Variants in OPHN1 observed in about 807,000 individuals in gnomAD.
The protein encoded by OPHN1 is oligophrenin-1.
In OPHN1, 11 loss-of-function variants were observed where a neutral mutation model predicts 60.7. The ratio of observed to expected loss-of-function variants is 0.18; its 90% CI spans 0.11 to 0.30. The LOEUF (loss-of-function observed/expected upper bound fraction) is 0.30, where lower values mean the gene tolerates loss of function less well. OPHN1 is among the 10% of genes least tolerant of loss of function. The probability of loss-of-function intolerance (pLI) is 1.00; values close to 1 mark genes in which losing one functional copy is unlikely to be tolerated. For missense variants in OPHN1, 449 were observed against 611.0 expected (o/e 0.73, Z 2.80); for synonymous variants, 226 against 222.6 (o/e 1.02, Z -0.14).
intron 1 of OPHN1, 47 bp downstream of exon 1, chrX:68,433,121 C>T (rs760552104): frequency 1.1e-6 from 1 of 886,903 alleles, no homozygotes; most frequent in African/African-American, 2.0e-5. Flanking sequence ...GAGCGCGCGA[C>T]CCGCTTAAGG....
chrX:68,423,573 C>A (rs944854950), intron 2 of OPHN1, among the ~76,000 whole-genome samples: 2 of 110,602 alleles, frequency 1.8e-5, no homozygotes, highest in African/African-American at 6.6e-5. Flanking sequence ...TACCCATTAG[C>A]AGTCCCAATA....
intron 2 of OPHN1, among the ~76,000 whole-genome samples, chrX:68,398,939 A>C (rs967823490): frequency 2.0e-5 from 2 of 98,650 alleles, no homozygotes; most frequent in African/African-American, 3.6e-5. Context: ...ACAGTGCAAG[A>C]CTCTGTCTCA....
intron 5 of OPHN1, among the ~76,000 whole-genome samples, chrX:68,242,423 GTGTTCTTGAGGA>G (rs1236547833): frequency 1.8e-5 from 2 of 110,932 alleles, no homozygotes; most frequent in Non-Finnish European, 3.8e-5. Flanking sequence ...TGGAAAATAA[GTGTTCTTGAGGA>G]TGTGAAGAAA....
At chrX:68,303,922 G>A (rs777585919) in intron 2 of OPHN1, among the ~76,000 whole-genome samples, 29 of 110,715 alleles carry the variant, frequency 2.6e-4, no homozygotes, top group African/African-American at 8.9e-4. Flanking sequence ...AAGAGGAGTT[G>A]GTTAGGCCTG....
intron 3 of OPHN1, among the ~76,000 whole-genome samples, chrX:68,293,633 A>G (rs2078080402): frequency 8.9e-6 from 1 of 112,295 alleles, no homozygotes; most frequent in Non-Finnish European, 1.9e-5. Flanking sequence ...TGCACAGAAT[A>G]AAAGAACTAT....
Position 68,073,172 on chromosome X carries a change from G to A in OPHN1, c.1814C>T (p.Ser605Phe), listed in dbSNP as rs779671497. Residue 605 changes from serine (S) to phenylalanine (F), a missense_variant, in exon 20 of 25, where the codon TCT becomes TTT. Physicochemically the swap from Ser to Phe is radical, Grantham distance 155. This residue lies in a region of OPHN1 where 184 missense variants were observed against 160.5 expected (regional missense o/e 1.15). Coordinates refer to ENST00000355520, the MANE Select transcript of OPHN1 (RefSeq NM_002547.3). ...LLRERTVFYTSSLDESEDEIQ... is the reference protein window; with the variant it reads ...LLRERTVFYTFSLDESEDEIQ... ...CTGACCTTCGCTTTCATCCAGGGAA[G>A]AAGTATAGAAAACCGTCCTTTCTCG... 5.8e-6 allele frequency: 7 copies of A among 1,209,756 alleles called. No homozygotes were observed. Among genetic ancestry groups the A allele is most frequent in the Non-Finnish European group, 7.8e-6 (7 of 894,430 alleles).
intron 2 of OPHN1, among the ~76,000 whole-genome samples, chrX:68,360,676 G>A (rs956589680): frequency 1.3e-4 from 14 of 110,713 alleles, no homozygotes; most frequent in Non-Finnish European, 2.3e-4. Flanking sequence ...CCACCCACTC[G>A]GAAGGCTGAG....
At position 68,150,304 on chromosome X, in the gene OPHN1, T is replaced by C. The variant is rs747214679; in HGVS notation, c.1277-30972A>G. 4.5e-5 allele frequency among the ~76,000 whole-genome samples: 5 copies of C among 111,443 alleles called. No homozygotes were observed. The East Asian group carries it at 1.4e-3, about 31-fold the overall frequency. ...TGAACTTTTACTTGAAAATAGTTAA[T>C]ATATGAATTCCACCTCAATAAAAAA... On this transcript the variant is annotated intron_variant, in intron 15 of 24. Coordinates refer to ENST00000355520, the MANE Select transcript of OPHN1 (RefSeq NM_002547.3).
intron 15 of OPHN1, among the ~76,000 whole-genome samples, chrX:68,182,193 T>TTTG (rs2077440486): frequency 1.0e-5 from 1 of 96,082 alleles, no homozygotes; most frequent in African/African-American, 3.8e-5. Flanking sequence ...CTGTAGTTTT[T>TTTG]TTTTTTTTTT....
chrX:68,202,276 A>T (rs902513972), intron 10 of OPHN1, among the ~76,000 whole-genome samples: 2 of 111,689 alleles, frequency 1.8e-5, no homozygotes, highest in African/African-American at 6.5e-5. Flanking sequence ...GGAAATAGCA[A>T]ATGTGTGTAT....
intron 4 of OPHN1, among the ~76,000 whole-genome samples, chrX:68,275,549 T>C: frequency 9.0e-6 from 1 of 111,101 alleles, no homozygotes; most frequent in Non-Finnish European, 1.9e-5. Context: ...ATGGTGAGAG[T>C]TAGAATCACT....
At chrX:68,310,166 A>C (rs2078166016) in intron 2 of OPHN1, among the ~76,000 whole-genome samples, 2 of 111,344 alleles carry the variant, frequency 1.8e-5, no homozygotes, top group South Asian at 7.6e-4. Flanking sequence ...GAATAACAAG[A>C]ATTGACTATA....
intron 15 of OPHN1, among the ~76,000 whole-genome samples, chrX:68,139,196 TGTGGACC>T (rs2077232602): frequency 9.0e-6 from 1 of 111,717 alleles, no homozygotes; most frequent in South Asian, 3.8e-4. Context: ...AAATGCAATG[TGTGGACC>T]TTGTTTGGAT....
At chrX:68,190,393 T>C (rs1261531986) in intron 15 of OPHN1, among the ~76,000 whole-genome samples, 1 of 112,422 alleles carries the variant, frequency 8.9e-6, no homozygotes, top group Non-Finnish European at 1.9e-5. Flanking sequence ...ATCTGGAGTT[T>C]CATACATTTG....
intron 15 of OPHN1, among the ~76,000 whole-genome samples, chrX:68,171,779 T>A (rs1009585206): frequency 3.7e-5 from 4 of 109,187 alleles, no homozygotes; most frequent in Middle Eastern, 4.9e-3. Context: ...AAATAAACAG[T>A]CCAATCAAAA....
At position 68,119,422 on chromosome X, in the gene OPHN1, C is replaced by A. The variant is rs568766863; in HGVS notation, c.1277-90G>T. 6.4e-5 allele frequency: 41 copies of A among 640,037 alleles called. No homozygotes were observed. The Middle Eastern group carries it at 1.3e-3, about 21-fold the overall frequency. 52.7% of individuals were successfully genotyped at this position (640,037 alleles called of 1,213,427 possible). ...TTTAAAAGAAAAACAAAGTATATTACCCTAAGTAGTTTTTAAGAGATCAAA... is the reference window on the plus strand; with the variant it reads ...TTTAAAAGAAAAACAAAGTATATTAACCTAAGTAGTTTTTAAGAGATCAAA... On this transcript the variant is annotated intron_variant, in intron 15 of 24. Coordinates refer to ENST00000355520, the MANE Select transcript of OPHN1 (RefSeq NM_002547.3).
intron 2 of OPHN1, among the ~76,000 whole-genome samples, chrX:68,420,815 T>C (rs1472348876): frequency 9.3e-6 from 1 of 107,705 alleles, no homozygotes; most frequent in African/African-American, 3.4e-5. Flanking sequence ...AACTCTTTTC[T>C]TTCTTTCACA....
At chrX:68,153,608 G>A (rs770533073) in intron 15 of OPHN1, among the ~76,000 whole-genome samples, 1 of 112,096 alleles carries the variant, frequency 8.9e-6, no homozygotes, top group African/African-American at 3.2e-5. Flanking sequence ...CATTGCATGT[G>A]TTGCTTTCTT....
intron 15 of OPHN1, among the ~76,000 whole-genome samples, chrX:68,161,923 A>G (rs1399695975): frequency 1.8e-5 from 2 of 111,650 alleles, no homozygotes; most frequent in Non-Finnish European, 3.8e-5. Context: ...TTGCACAGCA[A>G]CATGAATGAA....
Sources: allele counts gnomAD v4.1 joint callset (sites outside exome capture counted in the v4.1 genomes callset), GRCh38; gene constraint gnomAD v4.1.1; regional missense constraint gnomAD v4.1.1; transcripts MANE v1.5; gene names NCBI Gene and HGNC (gene_info 2026-07-23, HGNC 2026-07-21).